The following RADIL variants were observed in gnomAD, a reference collection of about 807,000 sequenced individuals.
RADIL encodes the protein ras-associating and dilute domain-containing protein.
A neutral mutation model predicts 97.6 loss-of-function variants in RADIL; 99 were observed. The observed-to-expected ratio is 1.01, with a 90% CI of 0.86 to 1.20. The LOEUF (loss-of-function observed/expected upper bound fraction) is 1.20. Among genes scored for constraint, RADIL ranks in the 50% most tolerant of loss-of-function variants. The pLI is 0.00. For synonymous variants in RADIL, 803 were observed against 691.8 expected (o/e 1.16, Z -2.52); for missense variants, 1,765 against 1,498.9 (o/e 1.18, Z -2.93).
At chr7:4,803,292 G>T (rs1316046276) in intron 11 of RADIL, among the ~76,000 whole-genome samples, 1 of 100,146 alleles carries the variant, frequency 1.0e-5, no homozygotes, top group Admixed American at 9.4e-5. Context: ...CTCGGGGCAC[G>T]CTGGCTGGGT....
In RADIL at chr7:4,835,115, T is replaced by C. The variant is rs1783258913; in HGVS notation, c.908A>G (p.Gln303Arg). 1 of 1,609,170 alleles carries C rather than the reference T, an allele frequency of 6.2e-7. No individual in the cohort carries two copies. Among genetic ancestry groups the C allele is most frequent in the Non-Finnish European group, 8.5e-7 (1 of 1,178,240 alleles). Residue 303 changes from glutamine to arginine, a missense_variant, in exon 4 of 15, where the codon CAA becomes CGA. Transcript: ENST00000399583. The surrounding 1 kb of genome is among the most constrained non-coding windows in gnomAD (Gnocchi z 5.8). The part of the protein sequence containing the change: ...ILPLHCTIRR[Q>R]PLPDSGQAAG... ...GGCCTGGCCGCTGTCCGGGAGCGGT[T>C]GCCGGCGGATGGTGCAGTGTAGAGG...
At chr7:4,844,459 G>T (rs2115013652) in intron 2 of RADIL, among the ~76,000 whole-genome samples, 1 of 152,036 alleles carries the variant, frequency 6.6e-6, no homozygotes, top group East Asian at 1.9e-4. Flanking sequence ...AACAAGAAAA[G>T]AAAAGAAAGA....
At chr7:4,865,493 CTCTT>C in intron 2 of RADIL, 1 of 782,876 alleles carries the variant, frequency 1.3e-6, no homozygotes, top group South Asian at 1.4e-5. Flanking sequence ...ATTCGTAACT[CTCTT>C]TGCTGTTAGC....
chr7:4,836,432 C>G lies in RADIL; in HGVS notation c.709G>C (p.Gly237Arg), dbSNP rs377030351. Residue 237 changes from glycine (G) to arginine (R), a missense_variant, in exon 3 of 15, where the codon GGC becomes CGC. Coordinates refer to ENST00000399583, the MANE Select transcript of RADIL (RefSeq NM_018059.5). ...PAAAQGPEEPGPDAMRYSLYQ... is the reference protein window; with the variant it reads ...PAAAQGPEEPRPDAMRYSLYQ... ...AGCGAGTACCGCATGGCGTCGGGGCCGGGCTCCTCGGGGCCCTGGGCGGCA... is the reference window on the plus strand; with the variant it reads ...AGCGAGTACCGCATGGCGTCGGGGCGGGGCTCCTCGGGGCCCTGGGCGGCA... The G allele has an allele frequency of 4.2e-4, 672 of 1,592,250 alleles. 1 individual carries two copies. In the African/African-American group the frequency reaches 7.4e-3, roughly 17 times the overall value.
chr7:4,865,394 C>A, intron 2 of RADIL: 3 of 617,366 alleles, frequency 4.9e-6, no homozygotes, highest in Non-Finnish European at 3.0e-6. Flanking sequence ...AAGTTTTATT[C>A]AAGAACTCAT....
rs1280460749 is a variant in RADIL, at chr7:4,840,700, G to A, written c.536-4095C>T. Among the ~76,000 whole-genome samples, 1 of 152,204 alleles carries A rather than the reference G, an allele frequency of 6.6e-6. No homozygotes were observed. The highest frequency in any genetic ancestry group is 1.5e-5 in the Non-Finnish European group (1 of 68,036). ...ACCACTATTTCTGGCCGGGCGCGGTGGCTCACGCCTGTAATCCCAGCACTT... is the reference window on the plus strand; with the variant it reads ...ACCACTATTTCTGGCCGGGCGCGGTAGCTCACGCCTGTAATCCCAGCACTT... On this transcript the variant is annotated intron_variant, in intron 2 of 14. Coordinates refer to ENST00000399583, the MANE Select transcript of RADIL (RefSeq NM_018059.5). The surrounding 1 kb of genome is among the most constrained non-coding windows in gnomAD (Gnocchi z 5.6).
In RADIL at chr7:4,837,617, ACACATGCACC is replaced by A. The variant is rs1232192820; in HGVS notation, c.536-1022_536-1013del. On this transcript the variant is annotated intron_variant, in intron 2 of 14. Coordinates refer to ENST00000399583, the MANE Select transcript of RADIL (RefSeq NM_018059.5). The surrounding 1 kb of genome is among the most constrained non-coding windows in gnomAD (Gnocchi z 5.6). ...CACAAAAATGCACACACACATGCACACACATGCACCCAAAAACACACATGCACACACATAC... is the reference window on the plus strand; with the variant it reads ...CACAAAAATGCACACACACATGCACACAAAAACACACATGCACACACATAC... Among the ~76,000 whole-genome samples, 1 of 152,024 alleles carries A rather than the reference ACACATGCACC, an allele frequency of 6.6e-6. No individual in the cohort carries two copies. The highest frequency in any genetic ancestry group is 2.4e-5 in the African/African-American group (1 of 41,356).
Position 4,868,309 on chromosome 7 carries a change from G to A in RADIL, c.535+9296C>T, listed in dbSNP as rs186133445. The stretch of plus-strand genomic sequence containing the variant: ...AATCTCCTGACCTCGTGATCCGCCC[G>A]CCTCGGCCTCCCAAAGTGCCGGGAT... On this transcript the variant is annotated intron_variant, in intron 2 of 14. Coordinates refer to ENST00000399583, the MANE Select transcript of RADIL (RefSeq NM_018059.5). 6.2e-3 allele frequency among the ~76,000 whole-genome samples: 943 copies of A among 152,288 alleles called. 3 individuals are homozygous for A. Among genetic ancestry groups the A allele is most frequent in the Admixed American group, 0.01 (158 of 15,296 alleles).
At position 4,804,413 on chromosome 7, in the gene RADIL, C is replaced by A. The variant is rs1016731590; in HGVS notation, c.2291-659G>T. On this transcript the variant is annotated intron_variant, in intron 10 of 14. Coordinates refer to ENST00000399583, the MANE Select transcript of RADIL (RefSeq NM_018059.5). The stretch of plus-strand genomic sequence containing the variant: ...CAAGGCCCCATCGCCTCTGCGCCTC[C>A]CGCCATCCCGTACTCTGTTTTGTTG... Among the ~76,000 whole-genome samples, 3 of 152,238 alleles carry A rather than the reference C, an allele frequency of 2.0e-5. No homozygotes were observed. The South Asian group carries it at 6.2e-4, about 32-fold the overall frequency.
In RADIL at chr7:4,815,165, G is replaced by A; in HGVS notation, c.2139+113C>T. ...TCTGATTACCTACGGTAGCTTTGAG[G>A]TTTCCAGCCAAGAAGCCCCGTCCCG... On this transcript the variant is annotated intron_variant, in intron 9 of 14. Coordinates refer to ENST00000399583, the MANE Select transcript of RADIL (RefSeq NM_018059.5). This position sits in a 1 kb window ranked among gnomAD's most constrained non-coding sequence, Gnocchi z 8.0. 1 of 1,304,644 alleles carries A rather than the reference G, an allele frequency of 7.7e-7. No homozygotes were observed. Among genetic ancestry groups the A allele is most frequent in the Non-Finnish European group, 1.0e-6 (1 of 981,084 alleles). The allele number at this position is 1,304,644 out of a possible 1,614,324, so 80.8% of individuals were successfully genotyped here.
At chr7:4,860,189 C>T (rs779231967) in intron 2 of RADIL, 1 of 1,614,008 alleles carries the variant, frequency 6.2e-7, no homozygotes, top group Non-Finnish European at 8.5e-7. Flanking sequence ...CTTCATAGTG[C>T]TAGTAGATGA....
intron 2 of RADIL, among the ~76,000 whole-genome samples, chr7:4,865,007 C>A (rs1435211640): frequency 6.6e-6 from 1 of 152,206 alleles, no homozygotes; most frequent in Non-Finnish European, 1.5e-5. Flanking sequence ...CCCTCTGCAC[C>A]AGCTGCAATG....
Position 4,805,966 on chromosome 7 carries a change from C to G in RADIL, c.2140-250G>C, listed in dbSNP as rs538508882. ...ACCCCCTGCCCAGGGAACCCACCCC[C>G]GTCTCAAGCAAGGGCCGGCCTCACA... On this transcript the variant is annotated intron_variant, in intron 9 of 14. Coordinates refer to ENST00000399583, the MANE Select transcript of RADIL (RefSeq NM_018059.5). The G allele has an allele frequency of 3.5e-4, 344 of 985,442 alleles. 2 individuals are homozygous for G. In the South Asian group the frequency reaches 7.5e-3, roughly 22 times the overall value. 61.0% of individuals were successfully genotyped at this position (985,442 alleles called of 1,614,324 possible). A position where few individuals can be genotyped will look rare whatever the true frequency, so the allele number is the denominator to read the frequency against.
intron 2 of RADIL, among the ~76,000 whole-genome samples, chr7:4,870,205 G>A (rs1784221671): frequency 6.6e-6 from 1 of 152,168 alleles, no homozygotes; most frequent in South Asian, 2.1e-4. Flanking sequence ...GGACAGCACG[G>A]CAGGGAAGGG....
At chr7:4,855,241 T>C (rs1783798270) in intron 2 of RADIL, among the ~76,000 whole-genome samples, 1 of 152,202 alleles carries the variant, frequency 6.6e-6, no homozygotes, top group Non-Finnish European at 1.5e-5. Context: ...CTCATACTCA[T>C]TTTCAAATGC....
Position 4,874,483 on chromosome 7 carries a change from G to C in RADIL, c.535+3122C>G, listed in dbSNP as rs568658310. Among the ~76,000 whole-genome samples the C allele has an allele frequency of 2.0e-5, 3 of 152,186 alleles. No individual in the cohort carries two copies. The East Asian group carries it at 5.8e-4, about 29-fold the overall frequency. ...CCAGCTGCTCCATCTCAAACCACCC[G>C]GCCGCCTCAGTGAACCTTCTTGGCA... is the stretch of plus-strand genomic sequence containing the variant. On this transcript the variant is annotated intron_variant, in intron 2 of 14. Transcript: ENST00000399583.
intron 5 of RADIL, among the ~76,000 whole-genome samples, chr7:4,831,488 A>C (rs902510472): frequency 3.3e-5 from 5 of 151,164 alleles, no homozygotes; most frequent in Non-Finnish European, 7.4e-5. Flanking sequence ...GCACGACATA[A>C]GTTTACCTAT....
rs929581133 is a variant in RADIL at position 4,878,179 on chromosome 7, C to G, written c.-40G>C. The G allele has an allele frequency of 6.7e-7, 1 of 1,484,360 alleles. No homozygotes were observed. The allele number at this position is 1,484,360 out of a possible 1,614,324, so 91.9% of individuals were successfully genotyped here. A position where few individuals can be genotyped will look rare whatever the true frequency, so the allele number is the denominator to read the frequency against. On this transcript the variant is annotated 5_prime_UTR_variant, in exon 2 of 15. Transcript: ENST00000399583. The surrounding 1 kb of genome is among the most constrained non-coding windows in gnomAD (Gnocchi z 4.1). ...CATGGATGAGGACTGTGGGCTTCAG[C>G]CAAAGGATGTGGGGAGGCCGTGACC...
At chr7:4,825,020 G>A (rs1310588830) in intron 5 of RADIL, among the ~76,000 whole-genome samples, 4 of 152,164 alleles carry the variant, frequency 2.6e-5, no homozygotes, top group Non-Finnish European at 1.5e-5. Flanking sequence ...TGGGGGCCCA[G>A]GGAATGATGA....
Sources: allele counts gnomAD v4.1 joint callset (sites outside exome capture counted in the v4.1 genomes callset), GRCh38; gene constraint gnomAD v4.1.1; non-coding constraint Gnocchi (gnomAD v3.1); transcripts MANE v1.5; gene names NCBI Gene and HGNC (gene_info 2026-07-23, HGNC 2026-07-21).